The following NCKAP5 variants were observed in gnomAD, a reference collection of about 807,000 sequenced individuals.
The protein encoded by NCKAP5 is nck-associated protein 5.
Under a neutral mutation model 167.0 loss-of-function variants are expected in NCKAP5, and 92 were observed. The observed-to-expected ratio is 0.55, with a 90% CI of 0.47 to 0.66. NCKAP5 has a LOEUF of 0.66. NCKAP5 is among the 30% of genes least tolerant of loss of function. The pLI, the probability that NCKAP5 is intolerant of heterozygous loss-of-function variation, is 0.00. For missense variants in NCKAP5, 2,378 were observed against 2,315.0 expected (o/e 1.03, Z -0.56); for synonymous variants, 891 against 877.4 (o/e 1.02, Z -0.27).
chr2:133,357,395 G>A (rs1684814425), intron 3 of NCKAP5, among the ~76,000 whole-genome samples: 1 of 151,786 alleles, frequency 6.6e-6, no homozygotes, highest in Non-Finnish European at 1.5e-5. Context: ...AAATTCTTAT[G>A]TGCATTTAAT....
At chr2:133,357,705 C>T in intron 3 of NCKAP5, among the ~76,000 whole-genome samples, 1 of 152,052 alleles carries the variant, frequency 6.6e-6, no homozygotes, top group East Asian at 1.9e-4. Context: ...TTAATCTTGC[C>T]CTATAAATTC....
chr2:133,571,025 C>G (rs1688847515), upstream of NCKAP5, among the ~76,000 whole-genome samples: 1 of 151,842 alleles, frequency 6.6e-6, no homozygotes, highest in Non-Finnish European at 1.5e-5. Context: ...AAAAAAAGTC[C>G]AAGAAAAAGA....
rs1574449490 is a variant in NCKAP5, at chr2:133,231,066, C to A, written c.144-17287G>T. Among the ~76,000 whole-genome samples, 3 of 152,286 alleles carry A rather than the reference C, an allele frequency of 2.0e-5. 1 individual carries two copies. On this transcript the variant is annotated intron_variant, in intron 4 of 19. Transcript: ENST00000409261. ...AAGATATTGTGAGGCTCCCTCCAAACCATCTTATAAATCATAGACTACTAC... is the reference window on the plus strand; with the variant it reads ...AAGATATTGTGAGGCTCCCTCCAAAACATCTTATAAATCATAGACTACTAC...
chr2:133,590,680 G>A, the NCKAP5 span, among the ~76,000 whole-genome samples: 3 of 152,102 alleles, frequency 2.0e-5, no homozygotes, highest in Non-Finnish European at 2.9e-5. Context: ...TTCTCAGTTC[G>A]TTGAACTGTC....
At chr2:133,135,418 T>C (rs930898574) in intron 5 of NCKAP5, among the ~76,000 whole-genome samples, 2 of 151,928 alleles carry the variant, frequency 1.3e-5, no homozygotes, top group African/African-American at 4.8e-5. Context: ...GAATAAGGGA[T>C]AGACCACGTA....
chr2:132,989,978 T>C (rs1445772954), intron 7 of NCKAP5, among the ~76,000 whole-genome samples: 2 of 151,946 alleles, frequency 1.3e-5, no homozygotes, highest in Non-Finnish European at 2.9e-5. Context: ...GCACCAAGCA[T>C]TGAGTTCCAT....
chr2:132,949,992 G>A (rs1463547905), intron 8 of NCKAP5, among the ~76,000 whole-genome samples: 1 of 152,182 alleles, frequency 6.6e-6, no homozygotes, highest in East Asian at 1.9e-4. Context: ...TACTCGAGAG[G>A]CTGAGGCAGG....
chr2:133,317,474 T>G (rs1681693927), intron 3 of NCKAP5, among the ~76,000 whole-genome samples: 1 of 152,104 alleles, frequency 6.6e-6, no homozygotes, highest in African/African-American at 2.4e-5. Context: ...GGTAGAGCCA[T>G]GAGGCTGGGT....
At chr2:133,607,470 C>A in the NCKAP5 span, among the ~76,000 whole-genome samples, 3 of 152,158 alleles carry the variant, frequency 2.0e-5, no homozygotes, top group Non-Finnish European at 4.4e-5. Context: ...GACTCTCACT[C>A]AAGAATCAAT....
chr2:133,162,084 G>A lies in NCKAP5; in HGVS notation c.208-31973C>T, dbSNP rs367641278. On this transcript the variant is annotated intron_variant, in intron 5 of 19. Transcript: ENST00000409261. The stretch of plus-strand genomic sequence containing the variant: ...GGCCTTTTCTGTGCCCTCTTGTATA[G>A]TTCATATATAGAACCTATAATTAGG... Among the ~76,000 whole-genome samples, 3 of 152,150 alleles carry A rather than the reference G, an allele frequency of 2.0e-5. 1 individual carries two copies. The East Asian group carries it at 5.8e-4, about 29-fold the overall frequency.
chr2:133,138,216 A>C (rs1484074809), intron 5 of NCKAP5, among the ~76,000 whole-genome samples: 3 of 152,200 alleles, frequency 2.0e-5, no homozygotes, highest in African/African-American at 7.2e-5. Context: ...GATTGATTCG[A>C]TTATTCGAAG....
chr2:133,584,960 A>AGGAG, the NCKAP5 span, among the ~76,000 whole-genome samples: 1 of 142,586 alleles, frequency 7.0e-6, no homozygotes, highest in African/African-American at 2.5e-5. Flanking sequence ...GAAGGAAGGA[A>AGGAG]GGAAGGAAGG....
chr2:133,018,232 G>A (rs551690672), intron 6 of NCKAP5, among the ~76,000 whole-genome samples: 2 of 152,270 alleles, frequency 1.3e-5, no homozygotes, highest in African/African-American at 4.8e-5. Flanking sequence ...TCTATGCAAT[G>A]AGCGCCTAGC....
intron 11 of NCKAP5, among the ~76,000 whole-genome samples, chr2:132,801,656 C>A (rs1007649467): frequency 6.6e-6 from 1 of 152,194 alleles, no homozygotes; most frequent in Non-Finnish European, 1.5e-5. Context: ...CCAAGCTAAG[C>A]TTTGGGGACC....
At chr2:132,755,115 C>G (rs938233736) in intron 16 of NCKAP5, among the ~76,000 whole-genome samples, 2 of 152,234 alleles carry the variant, frequency 1.3e-5, no homozygotes, top group African/African-American at 2.4e-5. Flanking sequence ...GAGCAGCTAG[C>G]ATTTTTCCCA....
rs758616896 is a variant in NCKAP5 at position 132,773,888 on chromosome 2, C to T, written c.5056G>A (p.Glu1686Lys). The T allele has an allele frequency of 1.9e-6, 3 of 1,608,390 alleles. No individual in the cohort carries two copies. The highest frequency in any genetic ancestry group is 2.2e-5 in the South Asian group (2 of 89,480). The change falls in exon 16 of 20, where the codon GAG becomes AAG. Residue 1686 changes from glutamate to lysine, a missense_variant. By Grantham distance (56) the Glu-to-Lys change is moderately conservative. This residue lies in a region of NCKAP5 where 1,325 missense variants were observed against 1,274.5 expected (regional missense o/e 1.04). Coordinates refer to ENST00000409261, the MANE Select transcript of NCKAP5 (RefSeq NM_207363.3). ...TCCTCTTGCAAGTTTTCATTTGCCT[C>T]TTTTACCTGCAGGAAGAAGAAAATG... is the stretch of plus-strand genomic sequence containing the variant. ...MEVPKDSLVK[E>K]ANENLQEDED...
chr2:132,885,710 G>C (rs1692161469), intron 8 of NCKAP5, among the ~76,000 whole-genome samples: 1 of 152,260 alleles, frequency 6.6e-6, no homozygotes, highest in African/African-American at 2.4e-5. Context: ...TCAGTGAATA[G>C]ATAGGCTGGC....
In NCKAP5 at chr2:133,510,564, C is replaced by A. The variant is rs939303964; in HGVS notation, c.69+6894G>T. On this transcript the variant is annotated intron_variant, in intron 3 of 19. Transcript: ENST00000409261. ...CTCCATTCCTTTGTCAATTGTTTTGCTGAAACCAAGTCTGGCTTCCCTCTG... is the reference window on the plus strand; with the variant it reads ...CTCCATTCCTTTGTCAATTGTTTTGATGAAACCAAGTCTGGCTTCCCTCTG... 3.9e-5 allele frequency among the ~76,000 whole-genome samples: 6 copies of A among 152,194 alleles called. No homozygotes were observed. In the East Asian group the frequency reaches 9.6e-4, roughly 24 times the overall value.
chr2:132,837,849 T>C (rs1194151780), intron 11 of NCKAP5, among the ~76,000 whole-genome samples: 2 of 152,170 alleles, frequency 1.3e-5, no homozygotes, highest in Non-Finnish European at 2.9e-5. Flanking sequence ...TGCCAGGAAC[T>C]GGAGGCTGTT....
Sources: gnomAD v4.1 joint callset for allele counts (sites outside exome capture counted in the v4.1 genomes callset) on GRCh38, gnomAD v4.1.1 for gene constraint, gnomAD v4.1.1 regional missense constraint, MANE v1.5 for transcripts, NCBI Gene and HGNC (gene_info 2026-07-23, HGNC 2026-07-21) for gene names.